The following ANAPC5 variants were observed in gnomAD, a reference collection of about 807,000 sequenced individuals.
The protein encoded by ANAPC5 is anaphase promoting complex subunit 5, also known as anaphase-promoting complex subunit 5.
Under a neutral mutation model 91.3 loss-of-function variants are expected in ANAPC5, and 60 were observed. The observed-to-expected ratio is 0.66, with a 90% CI of 0.53 to 0.81. ANAPC5 has a LOEUF of 0.81. Among genes scored for constraint, ANAPC5 ranks in the 40% least tolerant of loss-of-function variants. The probability of loss-of-function intolerance (pLI) is 0.00; values close to 1 mark genes in which losing one functional copy is unlikely to be tolerated. For missense variants in ANAPC5, 690 were observed against 931.5 expected (o/e 0.74, Z 3.37); for synonymous variants, 340 against 364.1 (o/e 0.93, Z 0.75).
chr12:121,351,765 T>C (rs577060598), intron 1 of ANAPC5, among the ~76,000 whole-genome samples: 1 of 152,238 alleles, frequency 6.6e-6, no homozygotes, highest in East Asian at 1.9e-4. Context: ...CCCGGTTTTA[T>C]GGCATTTTTA....
At position 121,312,138 on chromosome 12, in the gene ANAPC5, A is replaced by C. The variant is rs556245157; in HGVS notation, c.1894-2275T>G. Reference sequence around the variant, plus strand: ...CAAAGAATCTCCTCTGATCACATTAAATCAAAAATCAGTAACAGAAGGAAA... The same window carrying C: ...CAAAGAATCTCCTCTGATCACATTACATCAAAAATCAGTAACAGAAGGAAA... On this transcript the variant is annotated intron_variant, in intron 15 of 16. Transcript: ENST00000261819. Among the ~76,000 whole-genome samples the C allele has an allele frequency of 2.0e-5, 3 of 152,346 alleles. No homozygotes were observed. In the East Asian group the frequency reaches 5.8e-4, roughly 29 times the overall value.
At position 121,352,356 on chromosome 12, in the gene ANAPC5, AGTCTCGGGCCCGC is replaced by A. The variant is rs1903933338; in HGVS notation, c.-29_-17del. 6.3e-7 allele frequency: 1 copy of A among 1,581,336 alleles called. No individual in the cohort carries two copies. Among genetic ancestry groups the A allele is most frequent in the Non-Finnish European group, 8.6e-7 (1 of 1,160,296 alleles). On this transcript the variant is annotated 5_prime_UTR_variant, in exon 1 of 17. Coordinates refer to ENST00000261819, the MANE Select transcript of ANAPC5 (RefSeq NM_016237.5). ...CGCTGGCCATGGCGGCCCGAGACTA[AGTCTCGGGCCCGC>A]GGCGCGCTGCCGCCAGTTGTCACCA...
chr12:121,338,098 G>A (rs1903313834), intron 5 of ANAPC5, among the ~76,000 whole-genome samples: 1 of 152,122 alleles, frequency 6.6e-6, no homozygotes, highest in Non-Finnish European at 1.5e-5. Flanking sequence ...TAAGGGCAGG[G>A]TGTGGTGGTT....
At chr12:121,344,353 T>C (rs1368180149) in intron 4 of ANAPC5, among the ~76,000 whole-genome samples, 2 of 151,612 alleles carry the variant, frequency 1.3e-5, no homozygotes, top group Non-Finnish European at 1.5e-5. Context: ...CCAAGGCGGG[T>C]GGATCACCTG....
At chr12:121,350,040 A>C (rs952129053) in intron 1 of ANAPC5, among the ~76,000 whole-genome samples, 4 of 152,024 alleles carry the variant, frequency 2.6e-5, no homozygotes, top group Admixed American at 6.6e-5. Flanking sequence ...TTATAACTTT[A>C]ATAATGGAGG....
chr12:121,310,999 T>C (rs1368912659), intron 15 of ANAPC5, among the ~76,000 whole-genome samples: 3 of 150,500 alleles, frequency 2.0e-5, no homozygotes, highest in Non-Finnish European at 4.4e-5. Flanking sequence ...TTAAACTCTC[T>C]AATTAAAAGG....
intron 5 of ANAPC5, among the ~76,000 whole-genome samples, chr12:121,337,890 C>T (rs1266590021): frequency 1.3e-5 from 2 of 152,132 alleles, no homozygotes; most frequent in African/African-American, 4.8e-5. Context: ...CTTGTATTTC[C>T]AGTGCCTGTA....
Position 121,348,387 on chromosome 12 carries a change from G to A in ANAPC5, c.208-506C>T, listed in dbSNP as rs1444987700. ...TCTATAAAGAGTATGACGAGAGGCC[G>A]GGCACAGTGGCTCATGCCTATAATC... On this transcript the variant is annotated intron_variant, in intron 1 of 16. Transcript: ENST00000261819. Among the ~76,000 whole-genome samples, 7 of 152,184 alleles carry A rather than the reference G, an allele frequency of 4.6e-5. No homozygotes were observed. The East Asian group carries it at 9.6e-4, about 21-fold the overall frequency.
intron 9 of ANAPC5, chr12:121,329,307 C>T (rs1265977042): frequency 6.6e-6 from 1 of 152,154 alleles, no homozygotes; most frequent in Non-Finnish European, 1.5e-5. Context: ...GCGCCCACCA[C>T]CACGCCCGGC....
intron 3 of ANAPC5, 60 bp downstream of exon 3, chr12:121,346,836 C>A: frequency 9.7e-7 from 1 of 1,035,066 alleles, no homozygotes. Context: ...ATAGACATGA[C>A]TTAGAAAGCT....
At chr12:121,330,130 G>A (rs1174915797) in intron 9 of ANAPC5, among the ~76,000 whole-genome samples, 4 of 152,002 alleles carry the variant, frequency 2.6e-5, no homozygotes, top group Non-Finnish European at 2.9e-5. Flanking sequence ...TTTCTGTCAC[G>A]TATTTCTTCT....
intron 9 of ANAPC5, among the ~76,000 whole-genome samples, chr12:121,330,232 C>A (rs2136786388): frequency 6.6e-6 from 1 of 152,276 alleles, no homozygotes; most frequent in South Asian, 2.1e-4. Flanking sequence ...AGATTTGGCC[C>A]AAGGGCGGGA....
chr12:121,317,365 T>C (rs1902410939), intron 15 of ANAPC5, among the ~76,000 whole-genome samples: 1 of 151,800 alleles, frequency 6.6e-6, no homozygotes, highest in Non-Finnish European at 1.5e-5. Context: ...GCGATTCTCC[T>C]GCCTCAGCCT....
intron 5 of ANAPC5, among the ~76,000 whole-genome samples, chr12:121,341,665 C>A (rs895211607): frequency 1.3e-5 from 2 of 152,128 alleles, no homozygotes; most frequent in African/African-American, 2.4e-5. Flanking sequence ...AATTACCATA[C>A]ACTGCTTTTC....
At chr12:121,318,649 C>A in intron 13 of ANAPC5, 41 bp from the exon 14 acceptor site, 1 of 1,491,252 alleles carries the variant, frequency 6.7e-7, no homozygotes, top group South Asian at 1.1e-5. Context: ...TTTAACTAGT[C>A]ACTTTGAGGG....
At chr12:121,334,377 G>A (rs1836333412) in intron 7 of ANAPC5, 1 of 152,190 alleles carries the variant, frequency 6.6e-6, no homozygotes, top group Non-Finnish European at 1.5e-5. Context: ...TTATTGAACT[G>A]TGAACACTAT....
chr12:121,344,165 C>T (rs1199293755), intron 4 of ANAPC5, among the ~76,000 whole-genome samples: 2 of 152,088 alleles, frequency 1.3e-5, no homozygotes, highest in Non-Finnish European at 2.9e-5. Flanking sequence ...TGTGATCAAA[C>T]AAGACAGAGA....
chr12:121,321,343 C>CTTTT (rs71079053), intron 11 of ANAPC5, among the ~76,000 whole-genome samples: 47 of 100,658 alleles, frequency 4.7e-4, no homozygotes, highest in African/African-American at 7.5e-4. Flanking sequence ...AAACAAATTA[C>CTTTT]TTTTTTTTTT....
intron 7 of ANAPC5, chr12:121,334,983 T>C (rs1903174190): frequency 2.0e-5 from 3 of 151,148 alleles, no homozygotes; most frequent in African/African-American, 7.4e-5. Context: ...TTTCATAAAC[T>C]GTTCCAGTGC....
Sources: allele counts gnomAD v4.1 joint callset (sites outside exome capture counted in the v4.1 genomes callset), GRCh38; gene constraint gnomAD v4.1.1; transcripts MANE v1.5; gene names NCBI Gene and HGNC (gene_info 2026-07-23, HGNC 2026-07-21).